The following NMT2 variants were observed in gnomAD, a reference collection of about 807,000 sequenced individuals.
NMT2 encodes the protein N-myristoyltransferase 2.
Under a neutral mutation model 65.4 loss-of-function variants are expected in NMT2, and 35 were observed. That is an observed-to-expected ratio of 0.54 (90% CI 0.41 to 0.71). The LOEUF (loss-of-function observed/expected upper bound fraction) is 0.71, where lower values mean the gene tolerates loss of function less well. Among genes scored for constraint, NMT2 ranks in the 30% least tolerant of loss-of-function variants. The pLI is 0.00. For synonymous variants in NMT2, 226 were observed against 231.8 expected, an observed-to-expected ratio of 0.98 and a Z score of 0.23; for missense variants, 489 against 611.3, an observed-to-expected ratio of 0.80 and a Z score of 2.11.
intron 1 of NMT2, among the ~76,000 whole-genome samples, chr10:15,145,367 ATACTT>A (rs1418041514): frequency 6.6e-6 from 1 of 152,018 alleles, no homozygotes; most frequent in Non-Finnish European, 1.5e-5. Flanking sequence ...GCTGAATGGT[ATACTT>A]TATTTATTTT....
At chr10:15,165,150 CAAAACTCCATCTCA>C (rs1281095742) in intron 1 of NMT2, among the ~76,000 whole-genome samples, 1 of 140,458 alleles carries the variant, frequency 7.1e-6, no homozygotes, top group African/African-American at 2.7e-5. Flanking sequence ...GTGACAAGAG[CAAAACTCCATCTCA>C]AAAAAAAAAA....
chr10:15,134,426 G>T (rs893158276), intron 3 of NMT2, among the ~76,000 whole-genome samples: 5 of 152,168 alleles, frequency 3.3e-5, no homozygotes, highest in Non-Finnish European at 7.3e-5. Context: ...CAAGGGACGG[G>T]CCCCTTGGAA....
intron 1 of NMT2, among the ~76,000 whole-genome samples, chr10:15,144,727 T>C (rs1846902705): frequency 6.6e-6 from 1 of 150,694 alleles, no homozygotes; most frequent in African/African-American, 2.4e-5. Flanking sequence ...CGAGACTCCG[T>C]CTCAAAAAAA....
intron 1 of NMT2, 123 bp downstream of exon 1, chr10:15,168,380 G>T: frequency 1.4e-6 from 1 of 716,820 alleles, no homozygotes. Flanking sequence ...GCGCCACGGA[G>T]AAGCCATCGC....
intron 1 of NMT2, among the ~76,000 whole-genome samples, chr10:15,148,522 A>G (rs926011079): frequency 3.9e-5 from 6 of 152,166 alleles, no homozygotes; most frequent in Non-Finnish European, 7.3e-5. Context: ...AAATAAATAA[A>G]TAGTATTAGA....
Position 15,107,889 on chromosome 10 carries a change from AAACACCATCAGT to A in NMT2, c.*1294_*1305del. On this transcript the variant is annotated 3_prime_UTR_variant, in exon 12 of 12. Transcript: ENST00000378165. ...GAAAGTTTTTCAAATTCTAGATTAA[AAACACCATCAGT>A]AACAAAATTATGAATACTTATTTAC... is the stretch of plus-strand genomic sequence containing the variant. The A allele has an allele frequency of 1.0e-6, 1 of 985,692 alleles. No individual in the cohort carries two copies. Among genetic ancestry groups the A allele is most frequent in the Non-Finnish European group, 1.2e-6 (1 of 829,770 alleles). The allele number at this position is 985,692 out of a possible 1,614,324, so 61.1% of individuals were successfully genotyped here.
At chr10:15,162,344 TA>T (rs760104681) in intron 1 of NMT2, among the ~76,000 whole-genome samples, 6 of 139,472 alleles carry the variant, frequency 4.3e-5, no homozygotes, top group Non-Finnish European at 9.5e-5. Flanking sequence ...GGAAATAAAA[TA>T]CAGAAATTTT....
intron 1 of NMT2, among the ~76,000 whole-genome samples, chr10:15,144,273 G>C (rs1846880178): frequency 6.6e-6 from 1 of 152,150 alleles, no homozygotes; most frequent in Admixed American, 6.5e-5. Context: ...CAAACTCCCA[G>C]ACATATCTGA....
chr10:15,162,053 G>T (rs1833217075), intron 1 of NMT2, among the ~76,000 whole-genome samples: 1 of 152,066 alleles, frequency 6.6e-6, no homozygotes, highest in Non-Finnish European at 1.5e-5. Context: ...AGGAGTTCGA[G>T]ACCAGCCTAG....
chr10:15,112,459 C>T (rs901820838), intron 10 of NMT2, among the ~76,000 whole-genome samples: 2 of 151,026 alleles, frequency 1.3e-5, no homozygotes, highest in African/African-American at 4.9e-5. Context: ...AAACTCCTAA[C>T]CTCAGGTGAT....
chr10:15,164,526 A>G (rs1328705885), intron 1 of NMT2, among the ~76,000 whole-genome samples: 1 of 152,238 alleles, frequency 6.6e-6, no homozygotes, highest in Admixed American at 6.5e-5. Flanking sequence ...GATCATGACC[A>G]ATACCAAATG....
At position 15,133,514 on chromosome 10, in the gene NMT2, A is replaced by G. The variant is rs1846361676; in HGVS notation, c.392-151T>C. Reference sequence around the variant, plus strand: ...ATAATCTTTAAAAAGATGCTGTTATATCAAGCGCCTCTGGACTGAAACAGG... The same window carrying G: ...ATAATCTTTAAAAAGATGCTGTTATGTCAAGCGCCTCTGGACTGAAACAGG... On this transcript the variant is annotated intron_variant, in intron 3 of 11. Transcript: ENST00000378165. 7 of 635,608 alleles carry G rather than the reference A, an allele frequency of 1.1e-5. No homozygotes were observed. In the Admixed American group the frequency reaches 1.3e-4, roughly 12 times the overall value. The allele number at this position is 635,608 out of a possible 1,614,324, so 39.4% of individuals were successfully genotyped here.
Position 15,133,072 on chromosome 10 carries a change from A to G in NMT2, c.583T>C (p.Ser195Pro). 6.2e-7 allele frequency: 1 copy of G among 1,614,094 alleles called. No individual in the cohort carries two copies. The highest frequency in any genetic ancestry group is 8.5e-7 in the Non-Finnish European group (1 of 1,179,896). Residue 195 changes from serine to proline, a missense_variant, in exon 5 of 12, where the codon TCA becomes CCA. Transcript: ENST00000378165. ...ACTTACCACAACAGGAACTCGGGTG[A>G]ATAGTCAAATCGGAACATATTGTCA... ...DDDNMFRFDYSPEFLLWALRP... is the reference protein window; with the variant it reads ...DDDNMFRFDYPPEFLLWALRP...
intron 1 of NMT2, among the ~76,000 whole-genome samples, chr10:15,159,954 G>A (rs1422430826): frequency 1.3e-5 from 2 of 152,294 alleles, no homozygotes; most frequent in Non-Finnish European, 2.9e-5. Flanking sequence ...AGAGCTACAG[G>A]GCTTCCGGCA....
chr10:15,121,866 C>G (rs999178654), intron 8 of NMT2, among the ~76,000 whole-genome samples: 9 of 152,138 alleles, frequency 5.9e-5, no homozygotes, highest in Non-Finnish European at 1.2e-4. Flanking sequence ...ATGATGATGT[C>G]ATGTCTAAAG....
At chr10:15,149,197 A>C (rs1410480560) in intron 1 of NMT2, among the ~76,000 whole-genome samples, 1 of 150,192 alleles carries the variant, frequency 6.7e-6, no homozygotes, top group Non-Finnish European at 1.5e-5. Flanking sequence ...TGCCACCATC[A>C]TCACCACCAT....
intron 9 of NMT2, 128 bp downstream of exon 9, chr10:15,119,215 C>T (rs890779385): frequency 1.2e-6 from 1 of 815,218 alleles, no homozygotes; most frequent in African/African-American, 1.7e-5. Context: ...TAACTCTCTA[C>T]CCTTTAGTAC....
In NMT2 at chr10:15,168,024, G is replaced by A. The variant is rs1279386123; in HGVS notation, c.110+479C>T. The stretch of plus-strand genomic sequence containing the variant: ...TCCACGCCGCTCCACCCACGTCTTT[G>A]CCCATTCTTTTCGGGTGGCGGCTGC... On this transcript the variant is annotated intron_variant, in intron 1 of 11. Coordinates refer to ENST00000378165, the MANE Select transcript of NMT2 (RefSeq NM_004808.3). Among the ~76,000 whole-genome samples the A allele has an allele frequency of 2.6e-5, 4 of 152,174 alleles. 1 individual carries two copies. The highest frequency in any genetic ancestry group is 2.6e-4 in the Admixed American group (4 of 15,286).
intron 2 of NMT2, chr10:15,140,866 C>A (rs150411661): frequency 2.2e-6 from 2 of 918,006 alleles, no homozygotes; most frequent in East Asian, 2.6e-5. Context: ...CGGGGCCCAG[C>A]TGGACAACTT....
Sources: gnomAD v4.1 joint callset for allele counts (sites outside exome capture counted in the v4.1 genomes callset) on GRCh38, gnomAD v4.1.1 for gene constraint, MANE v1.5 for transcripts, NCBI Gene and HGNC (gene_info 2026-07-23, HGNC 2026-07-21) for gene names.